ARNT2: variants seen among roughly 807,000 people sequenced by gnomAD.
The protein encoded by ARNT2 is ARNT protein 2.
A neutral mutation model predicts 91.7 loss-of-function variants in ARNT2; 36 were observed. The observed-to-expected ratio is 0.39, with a 90% CI of 0.30 to 0.52. The LOEUF (loss-of-function observed/expected upper bound fraction) is 0.52. ARNT2 is among the 20% of genes least tolerant of loss of function. ARNT2 has a pLI of 0.72. For synonymous variants in ARNT2, 365 were observed against 347.1 expected (o/e 1.05, Z -0.57); for missense variants, 775 against 939.3 (o/e 0.83, Z 2.29).
chr15:80,555,638 C>G (rs1898168937), intron 11 of ARNT2: 1 of 154,006 alleles, frequency 6.5e-6, no homozygotes. Context: ...GCCTCTTAAC[C>G]CATGCTGAAG....
At chr15:80,429,203 C>T (rs1895974412) in intron 1 of ARNT2, among the ~76,000 whole-genome samples, 1 of 152,182 alleles carries the variant, frequency 6.6e-6, no homozygotes. Context: ...ATGAGATGAC[C>T]TGTGGCTGGG....
intron 1 of ARNT2, among the ~76,000 whole-genome samples, chr15:80,450,376 C>T (rs1896370207): frequency 1.3e-5 from 2 of 152,324 alleles, no homozygotes; most frequent in South Asian, 4.1e-4. Context: ...ATACTCAGGG[C>T]TTCTGAGTCC....
chr15:80,549,855 T>G (rs988236310), intron 8 of ARNT2, among the ~76,000 whole-genome samples: 3 of 152,148 alleles, frequency 2.0e-5, no homozygotes, highest in Non-Finnish European at 2.9e-5. Flanking sequence ...AGGGATCCAC[T>G]CCGAAAACGC....
At chr15:80,477,764 T>C (rs1175425315) in intron 5 of ARNT2, among the ~76,000 whole-genome samples, 1 of 152,178 alleles carries the variant, frequency 6.6e-6, no homozygotes, top group African/African-American at 2.4e-5. Context: ...CATTCTGGGG[T>C]ACTGGGGATT....
chr15:80,524,805 G>C (rs780869707), intron 8 of ARNT2, among the ~76,000 whole-genome samples: 7 of 151,688 alleles, frequency 4.6e-5, no homozygotes, highest in Middle Eastern at 3.4e-3. Context: ...AACCTGGGAG[G>C]CAGAGCTTGC....
intron 4 of ARNT2, among the ~76,000 whole-genome samples, chr15:80,474,706 C>G (rs1896775074): frequency 6.6e-6 from 1 of 152,148 alleles, no homozygotes; most frequent in South Asian, 2.1e-4. Flanking sequence ...CCTCTGGCAA[C>G]CCAGTACCTT....
At chr15:80,576,839 A>G (rs909672339) in intron 14 of ARNT2, 27 bp from the exon 15 acceptor site, 49 of 1,612,400 alleles carry the variant, frequency 3.0e-5, no homozygotes, top group Non-Finnish European at 4.1e-5. Context: ...GAACCTTCGC[A>G]TGTGACTCCT....
At position 80,596,947 on chromosome 15, in the gene ARNT2, T is replaced by C; in HGVS notation, c.*3249T>C. ...CCCCAGTTTTATTTTTAGCTTTGGC[T>C]TCAGGGAGTGACAGCCATCACAAAT... On this transcript the variant is annotated 3_prime_UTR_variant, in exon 19 of 19. Transcript: ENST00000303329. The C allele has an allele frequency of 2.8e-6, 1 of 355,334 alleles. No homozygotes were observed. Among genetic ancestry groups the C allele is most frequent in the Admixed American group, 3.7e-5 (1 of 26,874 alleles). 22.0% of individuals were successfully genotyped at this position (355,334 alleles called of 1,614,324 possible).
intron 10 of ARNT2, among the ~76,000 whole-genome samples, chr15:80,553,000 T>C (rs561114287): frequency 5.2e-4 from 79 of 152,340 alleles, no homozygotes; most frequent in Middle Eastern, 6.8e-3. Context: ...CTCACTGTTA[T>C]GTTTCTCTAG....
chr15:80,504,383 G>A (rs1436693402), intron 5 of ARNT2, among the ~76,000 whole-genome samples: 1 of 152,162 alleles, frequency 6.6e-6, no homozygotes, highest in Admixed American at 6.5e-5. Flanking sequence ...TTAATTCTTT[G>A]TGCTTACATT....
At chr15:80,413,801 G>A (rs1337485435) in intron 1 of ARNT2, among the ~76,000 whole-genome samples, 1 of 152,192 alleles carries the variant, frequency 6.6e-6, no homozygotes, top group Non-Finnish European at 1.5e-5. Context: ...AGGCCTTACT[G>A]GTGGCTGAGC....
chr15:80,414,902 T>C (rs1331172771), intron 1 of ARNT2, among the ~76,000 whole-genome samples: 2 of 151,960 alleles, frequency 1.3e-5, no homozygotes, highest in Non-Finnish European at 2.9e-5. Flanking sequence ...GGGGGTGGGT[T>C]GGAAAGATGT....
At chr15:80,590,291 GA>G (rs908091835) in intron 17 of ARNT2, among the ~76,000 whole-genome samples, 14 of 151,942 alleles carry the variant, frequency 9.2e-5, no homozygotes, top group African/African-American at 3.4e-4. Context: ...TTTGAAACAA[GA>G]AAAAAAGCTT....
intron 8 of ARNT2, among the ~76,000 whole-genome samples, chr15:80,523,447 G>T (rs1204264434): frequency 1.3e-5 from 2 of 152,172 alleles, no homozygotes; most frequent in African/African-American, 4.8e-5. Context: ...CCTGCCTGGG[G>T]TTAGGACAGG....
chr15:80,493,491 G>C (rs1054800299), intron 5 of ARNT2, among the ~76,000 whole-genome samples: 3 of 152,202 alleles, frequency 2.0e-5, no homozygotes, highest in Admixed American at 1.3e-4. Context: ...TACATGAAAT[G>C]CTGCCTCTCA....
chr15:80,467,353 G>A (rs372008204), intron 3 of ARNT2, among the ~76,000 whole-genome samples: 1 of 152,326 alleles, frequency 6.6e-6, no homozygotes, highest in East Asian at 1.9e-4. Flanking sequence ...GCAGTTCCAC[G>A]TGTGCTGAAT....
intron 11 of ARNT2, among the ~76,000 whole-genome samples, chr15:80,561,330 G>A (rs562195853): frequency 1.3e-3 from 200 of 152,262 alleles, no homozygotes; most frequent in Non-Finnish European, 2.3e-3. Context: ...GTCTGCACAT[G>A]CCTGTGGAGG....
intron 11 of ARNT2, chr15:80,562,786 T>G: frequency 2.6e-6 from 1 of 381,312 alleles, no homozygotes; most frequent in South Asian, 3.4e-5. Context: ...CTTGCAGAGT[T>G]TTCATGATCT....
chr15:80,469,293 C>T lies in ARNT2; in HGVS notation c.195-925C>T, dbSNP rs150705569. ...TGCATTCAGTAATTCCTTTGCCATG[C>T]GTTTTTATTTTAAATTGGCTATTTA... On this transcript the variant is annotated intron_variant, in intron 3 of 18. Transcript: ENST00000303329. Among the ~76,000 whole-genome samples, 12 of 152,086 alleles carry T rather than the reference C, an allele frequency of 7.9e-5. No homozygotes were observed. In the East Asian group the frequency reaches 1.2e-3, roughly 15 times the overall value.
Sources: gnomAD v4.1 joint callset for allele counts (sites outside exome capture counted in the v4.1 genomes callset) on GRCh38, gnomAD v4.1.1 for gene constraint, MANE v1.5 for transcripts, NCBI Gene and HGNC (gene_info 2026-07-23, HGNC 2026-07-21) for gene names.